BIK: variants seen among roughly 807,000 people sequenced by gnomAD.
The protein encoded by BIK is BCL2 interacting killer.
BIK carries 14 observed loss-of-function variants against 12.1 expected under a neutral mutation model. That is an observed-to-expected ratio of 1.16 (90% confidence interval 0.77 to 1.81). BIK has a LOEUF of 1.81. BIK is among the 40% of genes most tolerant of loss of function. BIK has a pLI of 0.00. For synonymous variants in BIK, 86 were observed against 92.3 expected (o/e 0.93, Z 0.39); for missense variants, 215 against 207.9 (o/e 1.03, Z -0.21).
chr22:43,111,480 A>G (rs1050915705), intron 1 of BIK, among the ~76,000 whole-genome samples: 10 of 151,758 alleles, frequency 6.6e-5, no homozygotes, highest in Non-Finnish European at 1.5e-4. Flanking sequence ...TTGTTTGGTA[A>G]ATTGGAGGTG....
chr22:43,121,025 A>G (rs4988400), intron 1 of BIK, among the ~76,000 whole-genome samples: 5,485 of 152,260 alleles, frequency 0.036, 150 homozygotes, highest in Middle Eastern at 0.092. Context: ...AAATACAAAA[A>G]TTAGCCGGGT....
chr22:43,113,509 G>C (rs1410996111), intron 1 of BIK, among the ~76,000 whole-genome samples: 1 of 151,730 alleles, frequency 6.6e-6, no homozygotes, highest in Non-Finnish European at 1.5e-5. Context: ...CAGAGATGGT[G>C]CCACTGCACT....
chr22:43,117,232 T>C (rs1057334435), intron 1 of BIK, among the ~76,000 whole-genome samples: 1 of 152,060 alleles, frequency 6.6e-6, no homozygotes, highest in African/African-American at 2.4e-5. Context: ...CAGAACACGC[T>C]GAGCACATTT....
chr22:43,123,127 T>TG (rs1465816884), intron 1 of BIK, among the ~76,000 whole-genome samples: 6 of 152,166 alleles, frequency 3.9e-5, no homozygotes, highest in Admixed American at 3.9e-4. Context: ...AGACACTGTA[T>TG]GGGGTGATCC....
intron 4 of BIK, 134 bp downstream of exon 4, chr22:43,128,759 C>G (rs893443378): frequency 4.6e-6 from 6 of 1,314,584 alleles, no homozygotes; most frequent in Non-Finnish European, 6.2e-6. Flanking sequence ...TCTGCCTGAT[C>G]CCATGGGCTT....
chr22:43,119,153 A>T (rs1367221119), intron 1 of BIK, among the ~76,000 whole-genome samples: 1 of 151,528 alleles, frequency 6.6e-6, no homozygotes, highest in Admixed American at 6.6e-5. Context: ...AGGGTAAAAT[A>T]GGGCTTCTGA....
At chr22:43,117,302 A>G (rs2147019529) in intron 1 of BIK, among the ~76,000 whole-genome samples, 1 of 152,236 alleles carries the variant, frequency 6.6e-6, no homozygotes, top group Non-Finnish European at 1.5e-5. Flanking sequence ...AAAGAGAAAA[A>G]AGTGAGCTGT....
chr22:43,129,542 A>T lies in BIK; in HGVS notation c.*237A>T, dbSNP rs1353965048. The T allele has an allele frequency of 1.5e-6, 1 of 668,818 alleles. No individual in the cohort carries two copies. Among genetic ancestry groups the T allele is most frequent in the African/African-American group, 1.9e-5 (1 of 53,790 alleles). The allele number at this position is 668,818 out of a possible 1,614,324, so 41.4% of individuals were successfully genotyped here. A position where few individuals can be genotyped will look rare whatever the true frequency, so the allele number is the denominator to read the frequency against. ...TATGGCTCTGCAATTGTCACCGGTT[A>T]ACTGTGGCCTGTGCCCAGGAAGAGC... On this transcript the variant is annotated 3_prime_UTR_variant, in exon 5 of 5. Coordinates refer to ENST00000216115, the MANE Select transcript of BIK (RefSeq NM_001197.5).
intron 1 of BIK, among the ~76,000 whole-genome samples, chr22:43,121,637 C>T (rs1052616376): frequency 7.9e-5 from 12 of 151,694 alleles, no homozygotes; most frequent in Admixed American, 5.9e-4. Flanking sequence ...ACTGCCTTTT[C>T]GAGGGGAAGG....
intron 1 of BIK, among the ~76,000 whole-genome samples, chr22:43,113,194 ACT>A (rs772927775): frequency 8.6e-5 from 13 of 151,992 alleles, no homozygotes; most frequent in East Asian, 7.7e-4. Context: ...ACATAGGGAG[ACT>A]CTCTGTCAAA....
At chr22:43,129,051 G>T (rs1357384834) in intron 4 of BIK, among the ~76,000 whole-genome samples, 162 bp from the exon 5 acceptor site, 2 of 152,234 alleles carry the variant, frequency 1.3e-5, no homozygotes, top group Non-Finnish European at 1.5e-5. Context: ...CACGTCCTCA[G>T]GGCCACTTTC....
intron 1 of BIK, among the ~76,000 whole-genome samples, chr22:43,120,725 C>G (rs959611986): frequency 6.6e-6 from 1 of 152,224 alleles, no homozygotes; most frequent in African/African-American, 2.4e-5. Flanking sequence ...CTTCCGCTCC[C>G]TGGCTCCACA....
At chr22:43,127,004 T>A (rs960733293) in intron 2 of BIK, among the ~76,000 whole-genome samples, 1 of 151,904 alleles carries the variant, frequency 6.6e-6, no homozygotes, top group South Asian at 2.1e-4. Context: ...TCCCTGGGAG[T>A]TCCCCCGGTG....
intron 2 of BIK, 133 bp downstream of exon 2, chr22:43,124,316 C>G (rs1440127901): frequency 3.6e-6 from 4 of 1,115,428 alleles, no homozygotes; most frequent in Non-Finnish European, 5.1e-6. Context: ...GAAGATTTCC[C>G]GGATGTGGGC....
chr22:43,125,087 T>G (rs1930288645), intron 2 of BIK, among the ~76,000 whole-genome samples: 1 of 152,214 alleles, frequency 6.6e-6, no homozygotes, highest in Non-Finnish European at 1.5e-5. Flanking sequence ...GACGTTGCCG[T>G]GGCATTTGTA....
intron 1 of BIK, among the ~76,000 whole-genome samples, chr22:43,114,029 C>A (rs951608193): frequency 6.6e-6 from 1 of 152,162 alleles, no homozygotes; most frequent in Non-Finnish European, 1.5e-5. Flanking sequence ...CAAATCAGTC[C>A]GTGGCCCCTA....
intron 1 of BIK, among the ~76,000 whole-genome samples, chr22:43,123,762 G>T (rs1211363633): frequency 6.6e-6 from 1 of 152,138 alleles, no homozygotes; most frequent in African/African-American, 2.4e-5. Context: ...AAGAAAGAAA[G>T]AAAGGGCCCT....
intron 1 of BIK, among the ~76,000 whole-genome samples, chr22:43,116,043 A>G (rs903829820): frequency 5.3e-5 from 8 of 152,194 alleles, no homozygotes; most frequent in African/African-American, 9.6e-5. Context: ...GGAGGGAGCC[A>G]CCGCGCCCCG....
At chr22:43,128,699 G>A (rs1930373855) in intron 4 of BIK, 74 bp downstream of exon 4, 2 of 1,520,714 alleles carry the variant, frequency 1.3e-6, no homozygotes, top group Admixed American at 2.0e-5. Context: ...TCCTTGGGGC[G>A]CCACAGTCCC....
Sources: gnomAD v4.1 joint callset for allele counts (sites outside exome capture counted in the v4.1 genomes callset) on GRCh38, gnomAD v4.1.1 for gene constraint, MANE v1.5 for transcripts, NCBI Gene and HGNC (gene_info 2026-07-23, HGNC 2026-07-21) for gene names.